Variants in CC2D2A observed in about 807,000 individuals in gnomAD.
The protein encoded by CC2D2A is coiled-coil and C2 domain containing 2A.
A neutral mutation model predicts 212.9 loss-of-function variants in CC2D2A; 155 were observed. That is an observed-to-expected ratio of 0.73 (90% CI 0.64 to 0.83). The LOEUF (loss-of-function observed/expected upper bound fraction) is 0.83, where lower values mean the gene tolerates loss of function less well. CC2D2A is among the 40% of genes least tolerant of loss of function. The probability of loss-of-function intolerance (pLI) is 0.00; values close to 1 mark genes in which losing one functional copy is unlikely to be tolerated. For synonymous variants in CC2D2A, 667 were observed against 686.5 expected (o/e 0.97, Z 0.44); for missense variants, 1,856 against 1,956.2 (o/e 0.95, Z 0.97).
chr4:15,557,573 C>G, intron 21 of CC2D2A, 66 bp downstream of exon 21: 1 of 1,063,486 alleles, frequency 9.4e-7, no homozygotes, highest in African/African-American at 1.6e-5. Context: ...AGGTATACTA[C>G]TGTATATGTA....
intron 33 of CC2D2A, among the ~76,000 whole-genome samples, chr4:15,594,850 G>A (rs552467908): frequency 3.9e-5 from 6 of 152,048 alleles, no homozygotes; most frequent in Admixed American, 6.6e-5. Flanking sequence ...ATCCAGGCTG[G>A]AGTGCAGTGG....
intron 4 of CC2D2A, among the ~76,000 whole-genome samples, chr4:15,490,279 C>T (rs934808140): frequency 9.2e-5 from 14 of 152,140 alleles, no homozygotes; most frequent in African/African-American, 3.4e-4. Context: ...ACAAAAAGTT[C>T]CTTTGTGCCT....
At position 15,596,072 on chromosome 4, in the gene CC2D2A, T is replaced by C. The variant is rs377685137; in HGVS notation, c.4315-13T>C. On this transcript the variant is annotated splice_polypyrimidine_tract_variant and intron_variant, in intron 33 of 36. Transcript: ENST00000424120. ...TGCTAACATATATGCTAATGTAGTC[T>C]TGTCTTTCTTAGATTTGGTTTAATA... is the stretch of plus-strand genomic sequence containing the variant. 83 of 1,539,092 alleles carry C rather than the reference T, an allele frequency of 5.4e-5. 1 individual carries two copies. In the African/African-American group the frequency reaches 9.2e-4, roughly 17 times the overall value.
chr4:15,567,701 G>A lies in CC2D2A; in HGVS notation c.3313G>A (p.Val1105Ile), dbSNP rs976493925. ...GGTTTTAGTACGTCCCTTTGTAGAA[G>A]TCTCTTTTCAACGAACAGTTTGCCA... ...GQVLVRPFVE[V>I]SFQRTVCHTT... The change falls in exon 26 of 37, where the codon GTC (valine) becomes ATC (isoleucine). Residue 1105 changes from valine (V) to isoleucine (I), a missense_variant. Around this residue, in one of 5 missense-constraint regions of CC2D2A, gnomAD observed 1,512 missense variants for 1,579.3 expected, o/e 0.96. Transcript: ENST00000424120. 6.9e-6 allele frequency: 11 copies of A among 1,605,050 alleles called. No homozygotes were observed. In the Admixed American group the frequency reaches 1.4e-4, roughly 20 times the overall value.
chr4:15,587,795 AT>A lies in CC2D2A; in HGVS notation c.4066-12del, dbSNP rs752759735. On this transcript the variant is annotated intron_variant, in intron 31 of 36. Coordinates refer to ENST00000424120, the MANE Select transcript of CC2D2A (RefSeq NM_001378615.1). ...ATAAAGCATTGAGTCATACAACATA[AT>A]TTTTTTTTCTTTTTGTCAGCAATTT... 78 of 1,318,356 alleles carry A rather than the reference AT, an allele frequency of 5.9e-5. No homozygotes were observed. Among genetic ancestry groups the A allele is most frequent in the Non-Finnish European group, 7.5e-5 (69 of 915,514 alleles). The allele number at this position is 1,318,356 out of a possible 1,614,324, so 81.7% of individuals were successfully genotyped here.
Position 15,527,616 on chromosome 4 carries a change from C to G in CC2D2A, c.1319C>G (p.Ala440Gly). 4 of 1,612,410 alleles carry G rather than the reference C, an allele frequency of 2.5e-6. No individual in the cohort carries two copies. The highest frequency in any genetic ancestry group is 3.4e-6 in the Non-Finnish European group (4 of 1,179,158). Residue 440 changes from alanine (A) to glycine (G), a missense_variant, in exon 12 of 37, where the codon GCA (alanine) becomes GGA (glycine). Around this residue, in one of 5 missense-constraint regions of CC2D2A, gnomAD observed 1,512 missense variants for 1,579.3 expected, o/e 0.96. Coordinates refer to ENST00000424120, the MANE Select transcript of CC2D2A (RefSeq NM_001378615.1). ...KLAQLYDQYL[A>G]RHQRNKAKFL... ...GCCCAGTTATATGACCAGTACCTTG[C>G]AAGACACCAGAGAAACAAGGCGAAA...
rs1006291712 is a variant in CC2D2A, at chr4:15,601,504, CAGA to C, written c.*84_*86del. On this transcript the variant is annotated 3_prime_UTR_variant, in exon 37 of 37. Transcript: ENST00000424120. ...AAATTTTAAATTATATGCATCACAT[CAGA>C]AGAACATATTATTGGCAAATAATAA... 6.1e-6 allele frequency: 5 copies of C among 821,516 alleles called. No homozygotes were observed. Among genetic ancestry groups the C allele is most frequent in the African/African-American group, 3.5e-5 (2 of 57,246 alleles). 50.9% of individuals were successfully genotyped at this position (821,516 alleles called of 1,614,324 possible). A position where few individuals can be genotyped will look rare whatever the true frequency, so the allele number is the denominator to read the frequency against.
chr4:15,477,660 T>C (rs1714314996), intron 2 of CC2D2A, among the ~76,000 whole-genome samples: 1 of 152,168 alleles, frequency 6.6e-6, no homozygotes, highest in South Asian at 2.1e-4. Flanking sequence ...GAACACTCCC[T>C]ATTAGTCAGG....
At chr4:15,579,529 T>C (rs1409825803) in intron 29 of CC2D2A, among the ~76,000 whole-genome samples, 3 of 152,246 alleles carry the variant, frequency 2.0e-5, no homozygotes, top group Non-Finnish European at 2.9e-5. Context: ...ATAAATTTGC[T>C]GCCCATTTAA....
intron 4 of CC2D2A, among the ~76,000 whole-genome samples, chr4:15,497,165 C>T (rs1302217588): frequency 6.6e-6 from 1 of 152,194 alleles, no homozygotes; most frequent in Non-Finnish European, 1.5e-5. Context: ...TCAAACTATA[C>T]TGCAAGGATA....
At position 15,574,431 on chromosome 4, in the gene CC2D2A, C is replaced by T. The variant is rs1351011107; in HGVS notation, c.3771+105C>T. 8.8e-6 allele frequency: 7 copies of T among 794,440 alleles called. No homozygotes were observed. In the East Asian group the frequency reaches 2.0e-4, roughly 23 times the overall value. The allele number at this position is 794,440 out of a possible 1,614,324, so 49.2% of individuals were successfully genotyped here. On this transcript the variant is annotated intron_variant, in intron 29 of 36. Transcript: ENST00000424120. ...TTTTTCCTACACAAACAGAGCCTTCCTTACTTCAATCTCCATTTATTATTC... is the reference window on the plus strand; with the variant it reads ...TTTTTCCTACACAAACAGAGCCTTCTTTACTTCAATCTCCATTTATTATTC...
At chr4:15,570,350 G>T in intron 27 of CC2D2A, 48 bp from the exon 28 acceptor site, 1 of 1,148,072 alleles carries the variant, frequency 8.7e-7, no homozygotes, top group South Asian at 1.4e-5. Flanking sequence ...TTAATTAAAT[G>T]AGTTTCTGGA....
intron 11 of CC2D2A, 34 bp downstream of exon 11, chr4:15,516,790 GA>G: frequency 6.3e-7 from 1 of 1,596,108 alleles, no homozygotes; most frequent in Non-Finnish European, 8.5e-7. Flanking sequence ...TTTATTAAAT[GA>G]AATTGAAAGT....
intron 6 of CC2D2A, 77 bp downstream of exon 6, chr4:15,503,000 C>T: frequency 1.9e-6 from 2 of 1,066,998 alleles, no homozygotes; most frequent in Non-Finnish European, 2.7e-6. Flanking sequence ...GTTTTTAGAG[C>T]AGAGCTATGC....
Position 15,567,763 on chromosome 4 carries a change from T to TG in CC2D2A, c.3376dup (p.Glu1126GlyfsTer8). The TG allele has an allele frequency of 6.3e-7, 1 of 1,596,518 alleles. No homozygotes were observed. Among genetic ancestry groups the TG allele is most frequent in the Non-Finnish European group, 8.5e-7 (1 of 1,175,018 alleles). On this transcript the variant is annotated frameshift_variant, in exon 26 of 37. Coordinates refer to ENST00000424120, the MANE Select transcript of CC2D2A (RefSeq NM_001378615.1). LOFTEE classifies it high-confidence loss of function. ...CTGAAGGACCAAACCCTAGCTGGAA[T>TG]GAAGAACTAGAACTTCCATTTAGGT...
In CC2D2A at chr4:15,589,539, T is replaced by G; in HGVS notation, c.4180-6T>G. The G allele has an allele frequency of 6.2e-7, 1 of 1,610,928 alleles. No individual in the cohort carries two copies. Among genetic ancestry groups the G allele is most frequent in the Non-Finnish European group, 8.5e-7 (1 of 1,177,994 alleles). ...AAAACTAGTTTTAATGGCCATCTTC[T>G]TTCAGGGTCCAACTGCCTATGTGCT... On this transcript the variant is annotated splice_region_variant and splice_polypyrimidine_tract_variant and intron_variant, in intron 32 of 36. Coordinates refer to ENST00000424120, the MANE Select transcript of CC2D2A (RefSeq NM_001378615.1).
At chr4:15,471,951 C>T (rs1204965535) in intron 1 of CC2D2A, among the ~76,000 whole-genome samples, 3 of 152,178 alleles carry the variant, frequency 2.0e-5, no homozygotes, top group African/African-American at 7.2e-5. Flanking sequence ...ATCTGGTTTT[C>T]TGCACTGAGT....
At chr4:15,518,197 C>CAT (rs1346344761) in intron 11 of CC2D2A, among the ~76,000 whole-genome samples, 1 of 152,206 alleles carries the variant, frequency 6.6e-6, no homozygotes, top group Admixed American at 6.5e-5. Context: ...CTCAAAAGTC[C>CAT]ATAGTCTAAC....
chr4:15,472,317 G>A (rs921443257), intron 1 of CC2D2A, among the ~76,000 whole-genome samples: 2 of 152,174 alleles, frequency 1.3e-5, no homozygotes, highest in Non-Finnish European at 2.9e-5. Context: ...TCTATAGTTA[G>A]CACAAAATAA....
Sources: allele counts gnomAD v4.1 joint callset (sites outside exome capture counted in the v4.1 genomes callset), GRCh38; gene constraint gnomAD v4.1.1; regional missense constraint gnomAD v4.1.1; transcripts MANE v1.5; gene names NCBI Gene and HGNC (gene_info 2026-07-23, HGNC 2026-07-21).